PIKFYVE: variants seen among roughly 807,000 people sequenced by gnomAD.
PIKFYVE encodes phosphoinositide kinase, FYVE-type zinc finger containing, also known as 1-phosphatidylinositol 3-phosphate 5-kinase.
PIKFYVE carries 122 observed loss-of-function variants against 257.9 expected under a neutral mutation model. The ratio of observed to expected loss-of-function variants is 0.47; its 90% CI spans 0.41 to 0.55. PIKFYVE has a LOEUF of 0.55. Ranked by LOEUF, PIKFYVE falls within the 20% of genes least tolerant of loss-of-function variation. PIKFYVE has a pLI of 0.00. For missense variants in PIKFYVE, 2,160 were observed against 2,536.6 expected, an observed-to-expected ratio of 0.85 and a Z score of 3.19; for synonymous variants, 892 against 868.9, an observed-to-expected ratio of 1.03 and a Z score of -0.47.
intron 34 of PIKFYVE, among the ~76,000 whole-genome samples, chr2:208,346,724 A>C (rs1303078867): frequency 4.6e-5 from 7 of 152,378 alleles, no homozygotes; most frequent in African/African-American, 1.7e-4. Context: ...ATTTAAACAA[A>C]TGACAGCTTA....
In PIKFYVE at chr2:208,271,630, A is replaced by C. The variant is rs1348121863; in HGVS notation, c.111A>C (p.Gln37His). The C allele has an allele frequency of 6.2e-7, 1 of 1,614,138 alleles. No homozygotes were observed. Among genetic ancestry groups the C allele is most frequent in the Admixed American group, 1.7e-5 (1 of 60,022 alleles). ...ACTTTAAACCTTTGACTCCTGATCA[A>C]GATGAGCCCCCTTTTAAATCAGCTT... is the stretch of plus-strand genomic sequence containing the variant. ...LTHFKPLTPDQDEPPFKSAYS... is the reference protein window; with the variant it reads ...LTHFKPLTPDHDEPPFKSAYS... Residue 37 changes from glutamine to histidine, a missense_variant, in exon 2 of 42, where the codon CAA becomes CAC. Transcript: ENST00000264380.
chr2:208,341,010 A>T (rs781677913), intron 31 of PIKFYVE, among the ~76,000 whole-genome samples: 57 of 150,818 alleles, frequency 3.8e-4, no homozygotes, highest in Admixed American at 2.0e-4. Flanking sequence ...TTATTTTTTT[A>T]ATTTTTATTA....
In PIKFYVE at chr2:208,350,083, C is replaced by T. The variant is rs1244487517; in HGVS notation, c.5434C>T (p.Gln1812Ter). 3.7e-6 allele frequency: 6 copies of T among 1,612,280 alleles called. No homozygotes were observed. Among genetic ancestry groups the T allele is most frequent in the East Asian group, 2.2e-5 (1 of 44,684 alleles). Residue 1812 changes from glutamine to a stop codon, truncating the protein, a stop_gained and splice_region_variant, in exon 36 of 42, where the codon CAA becomes TAA. Transcript: ENST00000264380. LOFTEE classifies it high-confidence loss of function. The stretch of plus-strand genomic sequence containing the variant: ...ACTCATAAATCCTCATGTGGAACTT[C>T]GTAAGTATGAGATATTATATCATTG... ...KQLINPHVEL[Q>*]FSDANAKFYC...
intron 32 of PIKFYVE, among the ~76,000 whole-genome samples, chr2:208,344,399 A>G (rs1375199917): frequency 1.3e-5 from 2 of 152,152 alleles, no homozygotes; most frequent in Non-Finnish European, 2.9e-5. Context: ...TTCCTTTATA[A>G]GATTCCATAT....
intron 10 of PIKFYVE, among the ~76,000 whole-genome samples, 199 bp from the exon 11 acceptor site, chr2:208,303,972 A>G (rs1694033143): frequency 6.6e-6 from 1 of 152,242 alleles, no homozygotes; most frequent in Non-Finnish European, 1.5e-5. Context: ...CTTCTAGTTA[A>G]CGAAAATCAC....
Position 208,339,429 on chromosome 2 carries a change from T to A in PIKFYVE, c.4684T>A (p.Leu1562Ile). 2.5e-6 allele frequency: 4 copies of A among 1,614,194 alleles called. No individual in the cohort carries two copies. Among genetic ancestry groups the A allele is most frequent in the Non-Finnish European group, 3.4e-6 (4 of 1,180,022 alleles). The stretch of plus-strand genomic sequence containing the variant: ...GTGTTTTTCTTTAGAGGATCGCTTC[T>A]TAACAACTTTGTCCAGCCAGAGCTC... ...LQNGEKEDRF[L>I]TTLSSQSSTS... The change falls in exon 30 of 42, where the codon TTA becomes ATA. Residue 1562 changes from leucine to isoleucine, a missense_variant. Physicochemically the swap from Leu to Ile is conservative, Grantham distance 5. Around this residue, in one of 12 missense-constraint regions of PIKFYVE, gnomAD observed 699 missense variants for 855.8 expected, o/e 0.82. Transcript: ENST00000264380.
chr2:208,351,293 T>G, intron 37 of PIKFYVE, 59 bp from the exon 38 acceptor site: 1 of 1,208,020 alleles, frequency 8.3e-7, no homozygotes, highest in Non-Finnish European at 1.2e-6. Context: ...TGGAATGATG[T>G]GTTATAGATT....
Position 208,355,319 on chromosome 2 carries a change from T to C in PIKFYVE, c.*14T>C. On this transcript the variant is annotated 3_prime_UTR_variant, in exon 42 of 42. Coordinates refer to ENST00000264380, the MANE Select transcript of PIKFYVE (RefSeq NM_015040.4). ...CTGAATTGCTGAAATCAAGCACATA[T>C]TTTGAAATGGACTGTGAAGGAAAAG... is the stretch of plus-strand genomic sequence containing the variant. The C allele has an allele frequency of 6.3e-7, 1 of 1,591,264 alleles. No individual in the cohort carries two copies. Among genetic ancestry groups the C allele is most frequent in the South Asian group, 1.1e-5 (1 of 90,562 alleles).
intron 6 of PIKFYVE, among the ~76,000 whole-genome samples, chr2:208,288,237 A>G (rs995038397): frequency 4.6e-5 from 7 of 152,056 alleles, no homozygotes; most frequent in African/African-American, 7.2e-5. Flanking sequence ...GGTAGGCACT[A>G]TTTTCTCCTT....
chr2:208,324,849 T>C, intron 18 of PIKFYVE, 62 bp from the exon 19 acceptor site: 1 of 1,576,692 alleles, frequency 6.3e-7, no homozygotes, highest in Admixed American at 1.7e-5. Flanking sequence ...TTTTCCAGAT[T>C]AAATTTACAA....
chr2:208,344,720 TCCCC>T (rs1699067952), intron 32 of PIKFYVE, among the ~76,000 whole-genome samples: 1 of 151,284 alleles, frequency 6.6e-6, no homozygotes, highest in African/African-American at 2.4e-5. Flanking sequence ...AACATTTTTT[TCCCC>T]TTAAAGTTTA....
At chr2:208,328,444 GA>G (rs1396147360) in intron 21 of PIKFYVE, among the ~76,000 whole-genome samples, 164 bp downstream of exon 21, 2 of 152,302 alleles carry the variant, frequency 1.3e-5, no homozygotes, top group African/African-American at 4.8e-5. Flanking sequence ...AAGTAAATAT[GA>G]AAATACATGT....
intron 12 of PIKFYVE, 55 bp from the exon 13 acceptor site, chr2:208,312,181 A>T: frequency 8.2e-7 from 1 of 1,218,246 alleles, no homozygotes; most frequent in South Asian, 1.2e-5. Context: ...CTGACATGTT[A>T]TAGTCATATG....
At chr2:208,315,544 C>T (rs1381558795) in intron 15 of PIKFYVE, among the ~76,000 whole-genome samples, 171 bp downstream of exon 15, 3 of 152,100 alleles carry the variant, frequency 2.0e-5, no homozygotes, top group African/African-American at 7.2e-5. Flanking sequence ...TCATGGAAGC[C>T]ACGCATAGGA....
intron 22 of PIKFYVE, 119 bp from the exon 23 acceptor site, chr2:208,330,404 C>T (rs1342687634): frequency 1.7e-6 from 2 of 1,163,712 alleles, no homozygotes; most frequent in Non-Finnish European, 2.5e-6. Context: ...TGTTCAGCTG[C>T]AGGCTCAGAG....
intron 3 of PIKFYVE, among the ~76,000 whole-genome samples, chr2:208,275,823 T>C (rs2125044419): frequency 6.6e-6 from 1 of 152,324 alleles, no homozygotes; most frequent in African/African-American, 2.4e-5. Context: ...TAATAGGATG[T>C]TCATCCTTTT....
chr2:208,343,086 T>C (rs10197951), intron 32 of PIKFYVE, among the ~76,000 whole-genome samples: 141,564 of 152,224 alleles, frequency 0.93, 66,355 homozygotes, highest in Non-Finnish European at 0.98. Flanking sequence ...TGAGCCACCA[T>C]GCCTGGCAGC....
Position 208,335,791 on chromosome 2 carries a change from A to C in PIKFYVE, c.4257-2A>C. The C allele has an allele frequency of 6.2e-7, 1 of 1,603,588 alleles. No homozygotes were observed. Among genetic ancestry groups the C allele is most frequent in the Non-Finnish European group, 8.5e-7 (1 of 1,170,754 alleles). ...AGTGTTTAATGCTCTCGCTATTGTT[A>C]GAGTTTCACAGGTATATGTTGCCAT... On this transcript the variant is annotated splice_acceptor_variant, in intron 25 of 41. Coordinates refer to ENST00000264380, the MANE Select transcript of PIKFYVE (RefSeq NM_015040.4). LOFTEE classifies it high-confidence loss of function.
At chr2:208,285,162 C>G (rs904673612) in intron 5 of PIKFYVE, among the ~76,000 whole-genome samples, 25 of 152,210 alleles carry the variant, frequency 1.6e-4, no homozygotes, top group Non-Finnish European at 1.6e-4. Flanking sequence ...ATGGCACAGT[C>G]TTGGCTCACT....
Sources: allele counts gnomAD v4.1 joint callset (sites outside exome capture counted in the v4.1 genomes callset), GRCh38; gene constraint gnomAD v4.1.1; regional missense constraint gnomAD v4.1.1; transcripts MANE v1.5; gene names NCBI Gene and HGNC (gene_info 2026-07-23, HGNC 2026-07-21).